KEL: variants seen among roughly 807,000 people sequenced by gnomAD.
The protein encoded by KEL is kell blood group glycoprotein.
A neutral mutation model predicts 99.5 loss-of-function variants in KEL; 96 were observed. The observed-to-expected ratio is 0.97, with a 90% confidence interval of 0.82 to 1.14. KEL has a LOEUF of 1.14. Ranked by LOEUF, KEL falls within the 50% of genes most tolerant of loss-of-function variation. The pLI, the probability that KEL is intolerant of heterozygous loss-of-function variation, is 0.00. For missense variants in KEL, 926 were observed against 924.2 expected (o/e 1.00, Z -0.03); for synonymous variants, 355 against 354.8 (o/e 1.00, Z -0.01).
At position 142,943,000 on chromosome 7, in the gene KEL, C is replaced by G. The variant is rs185432321; in HGVS notation, c.1816G>C (p.Glu606Gln). The G allele has an allele frequency of 8.2e-5, 133 of 1,614,170 alleles. No homozygotes were observed. The highest frequency in any genetic ancestry group is 1.0e-4 in the Non-Finnish European group (122 of 1,180,034). ...CLACDNHALQ[E>Q]AHLCLKRHYA... Reference sequence around the variant, plus strand: ...TGGCGCTTCAGGCACAGGTGAGCTTCCTGGAGGGCATGGTTGTCACAGGCG... The same window carrying G: ...TGGCGCTTCAGGCACAGGTGAGCTTGCTGGAGGGCATGGTTGTCACAGGCG... Residue 606 changes from glutamate (E) to glutamine (Q), a missense_variant, in exon 17 of 19, where the codon GAA (glutamate) becomes CAA (glutamine). Transcript: ENST00000355265.
intron 15 of KEL, 65 bp downstream of exon 15, chr7:142,943,421 C>T (rs575475708): frequency 2.5e-6 from 4 of 1,605,254 alleles, no homozygotes; most frequent in Non-Finnish European, 3.4e-6. Context: ...TAAGTCCCAT[C>T]CATCATAACA....
intron 4 of KEL, 132 bp downstream of exon 4, chr7:142,960,796 C>T (rs1796935927): frequency 2.1e-6 from 2 of 961,192 alleles, no homozygotes; most frequent in Non-Finnish European, 3.4e-6. Flanking sequence ...TCCAATCATC[C>T]ACCCGTATAA....
At chr7:142,954,089 A>G in intron 8 of KEL, 95 bp downstream of exon 8, 1 of 1,421,302 alleles carries the variant, frequency 7.0e-7, no homozygotes, top group Non-Finnish European at 9.8e-7. Context: ...CAGAATGAAA[A>G]GGTATTAAGG....
At chr7:142,960,754 C>T (rs950524347) in intron 4 of KEL, among the ~76,000 whole-genome samples, 174 bp downstream of exon 4, 2 of 152,136 alleles carry the variant, frequency 1.3e-5, no homozygotes, top group East Asian at 1.9e-4. Context: ...AGGCAGCTCC[C>T]GCCATCCTGC....
At chr7:142,957,781 G>C (rs757124320) in intron 6 of KEL, 46 bp downstream of exon 6, 1 of 1,611,404 alleles carries the variant, frequency 6.2e-7, no homozygotes. Flanking sequence ...GGCTAGAGTT[G>C]GAGGCAGGCC....
chr7:142,952,530 T>C lies in KEL; in HGVS notation c.1182A>G (p.Glu394=), dbSNP rs1430444710. 14 of 1,613,936 alleles carry C rather than the reference T, an allele frequency of 8.7e-6. No individual in the cohort carries two copies. In the African/African-American group the frequency reaches 9.3e-5, roughly 11 times the overall value. The change falls in exon 10 of 19, where the codon GAA becomes GAG. Residue 394 remains glutamate, a synonymous_variant. Transcript: ENST00000355265. ...ARRKLSQKLR[E]LTEQPPMPAR... ...TCACCATGGGTGGTTGCTCTGTCAG[T>C]TCCCGCAGTTTCTGGCTGAGCTTTC...
chr7:142,943,173 C>A, intron 16 of KEL, 103 bp downstream of exon 16: 1 of 1,545,526 alleles, frequency 6.5e-7, no homozygotes, highest in South Asian at 1.1e-5. Flanking sequence ...AGGACTGCCC[C>A]ACCTCAAACC....
intron 3 of KEL, 53 bp downstream of exon 3, chr7:142,961,307 C>T (rs934621555): frequency 6.2e-7 from 1 of 1,610,694 alleles, no homozygotes; most frequent in African/African-American, 1.3e-5. Flanking sequence ...TGGGCCTGGG[C>T]CCCAGGGCTG....
chr7:142,953,374 C>G, intron 9 of KEL: 1 of 985,122 alleles, frequency 1.0e-6, no homozygotes, highest in East Asian at 1.1e-4. Context: ...CTAAGCATCC[C>G]CAGCCTTCAC....
chr7:142,948,155 G>T (rs570018371), intron 10 of KEL, among the ~76,000 whole-genome samples: 3 of 152,036 alleles, frequency 2.0e-5, no homozygotes, highest in African/African-American at 7.3e-5. Context: ...ATGCTTTGCC[G>T]TGGGACCTGA....
chr7:142,955,303 T>G (rs1203252283), intron 6 of KEL, among the ~76,000 whole-genome samples: 2 of 152,198 alleles, frequency 1.3e-5, no homozygotes, highest in Admixed American at 1.3e-4. Flanking sequence ...AAAAACATAC[T>G]TTTAGTCAAT....
chr7:142,955,353 T>A (rs1019288591), intron 6 of KEL, among the ~76,000 whole-genome samples: 1 of 152,178 alleles, frequency 6.6e-6, no homozygotes, highest in Non-Finnish European at 1.5e-5. Flanking sequence ...AAGTCCTCAA[T>A]GTATTTTTGA....
intron 12 of KEL, 31 bp from the exon 13 acceptor site, chr7:142,944,431 A>G (rs1267198936): frequency 6.4e-7 from 1 of 1,553,930 alleles, no homozygotes; most frequent in Admixed American, 1.7e-5. Flanking sequence ...GGCTAGGAAT[A>G]CTCTCCGAGT....
At position 142,954,170 on chromosome 7, in the gene KEL, C is replaced by T; in HGVS notation, c.924+14G>A. On this transcript the variant is annotated intron_variant, in intron 8 of 18. Coordinates refer to ENST00000355265, the MANE Select transcript of KEL (RefSeq NM_000420.3). ...CCCCATGCCCACAGTCTTCTGGCCCCCAGTTCCAGGCACCTTGAGCTGGTC... is the reference window on the plus strand; with the variant it reads ...CCCCATGCCCACAGTCTTCTGGCCCTCAGTTCCAGGCACCTTGAGCTGGTC... The T allele has an allele frequency of 1.2e-6, 2 of 1,606,610 alleles. No homozygotes were observed. The highest frequency in any genetic ancestry group is 1.7e-6 in the Non-Finnish European group (2 of 1,179,650).
chr7:142,948,860 C>A (rs1174975872), intron 10 of KEL, among the ~76,000 whole-genome samples: 3 of 151,504 alleles, frequency 2.0e-5, no homozygotes, highest in African/African-American at 7.3e-5. Context: ...CAGTTGTTGC[C>A]ACAGGAGAAG....
chr7:142,961,462 G>A lies in KEL; in HGVS notation c.121C>T (p.Pro41Ser). The A allele has an allele frequency of 6.2e-7, 1 of 1,610,394 alleles. No homozygotes were observed. The highest frequency in any genetic ancestry group is 1.1e-5 in the South Asian group (1 of 90,578). ...AGCACCCGCCTGGCCACTGCCCATG[G>A]CCTGCTCCCTTCCACGGGCAGCCTC... ...EERLPVEGSR[P>S]WAVARRVLTA... Residue 41 changes from proline to serine, a missense_variant, in exon 3 of 19, where the codon CCA becomes TCA. By Grantham distance (74) the Pro-to-Ser change is moderately conservative (BLOSUM62 -1). Transcript: ENST00000355265.
At chr7:142,945,261 T>C (rs916820713) in intron 11 of KEL, among the ~76,000 whole-genome samples, 1 of 152,176 alleles carries the variant, frequency 6.6e-6, no homozygotes, top group Non-Finnish European at 1.5e-5. Flanking sequence ...CTCATGTAAA[T>C]CCTTTCCTGG....
chr7:142,946,462 G>T, intron 10 of KEL, 145 bp from the exon 11 acceptor site: 1 of 702,866 alleles, frequency 1.4e-6, no homozygotes, highest in Non-Finnish European at 2.6e-6. Context: ...CCCTTAGGGT[G>T]ATGCACATCA....
rs1359584568 is a variant in KEL, at chr7:142,952,523, C to T, written c.1189G>A (p.Glu397Lys). The part of the protein sequence containing the change: ...KLSQKLRELT[E>K]QPPMPARPRW... The stretch of plus-strand genomic sequence containing the variant: ...CCTCTCCTCACCATGGGTGGTTGCT[C>T]TGTCAGTTCCCGCAGTTTCTGGCTG... The change falls in exon 10 of 19, where the codon GAG becomes AAG. Residue 397 changes from glutamate to lysine, a missense_variant. Physicochemically the swap from Glu to Lys is moderately conservative, Grantham distance 56. Transcript: ENST00000355265. The T allele has an allele frequency of 6.2e-7, 1 of 1,613,872 alleles. No homozygotes were observed.
Sources: gnomAD v4.1 joint callset for allele counts (sites outside exome capture counted in the v4.1 genomes callset) on GRCh38, gnomAD v4.1.1 for gene constraint, MANE v1.5 for transcripts, NCBI Gene and HGNC (gene_info 2026-07-23, HGNC 2026-07-21) for gene names.